The following TTC19 variants were observed in gnomAD, a reference collection of about 807,000 sequenced individuals.
The protein encoded by TTC19 is tetratricopeptide repeat domain 19.
TTC19 carries 38 observed loss-of-function variants against 49.5 expected under a neutral mutation model. The observed-to-expected ratio is 0.77, with a 90% CI of 0.59 to 1.01. The LOEUF (loss-of-function observed/expected upper bound fraction) is 1.01, where lower values mean the gene tolerates loss of function less well. Among genes scored for constraint, TTC19 ranks in the 50% least tolerant of loss-of-function variants. TTC19 has a pLI of 0.00. For synonymous variants in TTC19, 204 were observed against 185.2 expected (o/e 1.10, Z -0.83); for missense variants, 475 against 477.7 (o/e 0.99, Z 0.05).
At chr17:16,012,496 G>A (rs182337235) in intron 7 of TTC19, among the ~76,000 whole-genome samples, 8 of 152,190 alleles carry the variant, frequency 5.3e-5, no homozygotes, top group African/African-American at 1.9e-4. Context: ...GGGGGTGGAA[G>A]AGGATTGTGA....
At chr17:16,026,730 T>C (rs1472278611) in intron 9 of TTC19, 28 bp downstream of exon 9, 1 of 1,612,892 alleles carries the variant, frequency 6.2e-7, no homozygotes, top group East Asian at 2.2e-5. Flanking sequence ...CTTAACTGAC[T>C]TGCTTTAAGG....
downstream of TTC19, among the ~76,000 whole-genome samples, chr17:16,033,045 T>C (rs1972576498): frequency 6.6e-6 from 1 of 152,074 alleles, no homozygotes; most frequent in Non-Finnish European, 1.5e-5. Context: ...CTCCTACAGC[T>C]TAAGAAAACG....
At position 16,028,380 on chromosome 17, in the gene TTC19, T is replaced by TA. The variant is rs1332704917; in HGVS notation, c.*859dup. On this transcript the variant is annotated 3_prime_UTR_variant, in exon 10 of 10. Transcript: ENST00000261647. The stretch of plus-strand genomic sequence containing the variant: ...TCGTAATTCTAATGTGTACTGCTGG[T>TA]ATAGCTGAACTACTGACCTGGATCT... 2 of 453,984 alleles carry TA rather than the reference T, an allele frequency of 4.4e-6. No homozygotes were observed. The highest frequency in any genetic ancestry group is 8.8e-6 in the Non-Finnish European group (2 of 226,790). The allele number at this position is 453,984 out of a possible 1,614,324, so 28.1% of individuals were successfully genotyped here.
At chr17:16,039,466 G>C (rs2057140234) in intron 2 of TTC19, 1 of 1,613,850 alleles carries the variant, frequency 6.2e-7, no homozygotes, top group Admixed American at 1.7e-5. Flanking sequence ...TCCTCTCTTC[G>C]TGTCTCACCA....
At chr17:16,044,750 T>C (rs2058375529) in exon 3 of TTC19, 2 of 813,216 alleles carry the variant, frequency 2.5e-6, no homozygotes, top group Admixed American at 1.7e-5. Flanking sequence ...ACCTTTTTGG[T>C]CCAGCTTGTT....
In TTC19 at chr17:16,003,901, C is replaced by G. The variant is rs770488669; in HGVS notation, c.519+14C>G. 2 of 1,612,886 alleles carry G rather than the reference C, an allele frequency of 1.2e-6. No homozygotes were observed. Among genetic ancestry groups the G allele is most frequent in the African/African-American group, 2.7e-5 (2 of 74,892 alleles). ...GGCATGAAGCAGGTAAGGACATTGC[C>G]TAGTATTGGCCCCTCACTGAAGCAG... is the stretch of plus-strand genomic sequence containing the variant. On this transcript the variant is annotated intron_variant, in intron 5 of 9. Coordinates refer to ENST00000261647, the MANE Select transcript of TTC19 (RefSeq NM_017775.4).
intron 7 of TTC19, among the ~76,000 whole-genome samples, chr17:16,009,370 A>G (rs2151656467): frequency 6.6e-6 from 1 of 152,374 alleles, no homozygotes; most frequent in Middle Eastern, 3.4e-3. Context: ...CATACTATTA[A>G]GAAAGAGCTA....
intron 2 of TTC19, among the ~76,000 whole-genome samples, chr17:16,000,824 A>G (rs1401951228): frequency 6.6e-6 from 1 of 152,170 alleles, no homozygotes; most frequent in Non-Finnish European, 1.5e-5. Context: ...CAGATTTAAC[A>G]TGCCCAAAAC....
At position 16,004,185 on chromosome 17, in the gene TTC19, T is replaced by A. The variant is rs756740234; in HGVS notation, c.520-16T>A. ...TTTACTTGTTATGAGTTCCCTTCAT[T>A]CTCTTTCTCTCACAGGAGGACAATG... On this transcript the variant is annotated splice_polypyrimidine_tract_variant and intron_variant, in intron 5 of 9. Coordinates refer to ENST00000261647, the MANE Select transcript of TTC19 (RefSeq NM_017775.4). 1 of 1,613,448 alleles carries A rather than the reference T, an allele frequency of 6.2e-7. No homozygotes were observed. The highest frequency in any genetic ancestry group is 8.5e-7 in the Non-Finnish European group (1 of 1,179,340).
intron 8 of TTC19, 31 bp downstream of exon 8, chr17:16,025,202 T>A (rs1971511354): frequency 6.2e-7 from 1 of 1,606,206 alleles, no homozygotes. Flanking sequence ...AGGGGGAATA[T>A]AAAACAAAGG....
At chr17:16,008,601 G>A (rs746341305) in intron 7 of TTC19, among the ~76,000 whole-genome samples, 1 of 152,082 alleles carries the variant, frequency 6.6e-6, no homozygotes, top group Non-Finnish European at 1.5e-5. Context: ...CCTGTAAGGC[G>A]CTTATGACCT....
chr17:16,026,420 A>C (rs1404824017), intron 8 of TTC19, 120 bp from the exon 9 acceptor site: 3 of 918,184 alleles, frequency 3.3e-6, no homozygotes, highest in African/African-American at 1.7e-5. Flanking sequence ...GGTATCCCTC[A>C]TCTTTTGTGG....
Position 16,007,889 on chromosome 17 carries a change from A to G in TTC19, c.676+1321A>G, listed in dbSNP as rs145264239. On this transcript the variant is annotated intron_variant, in intron 7 of 9. Transcript: ENST00000261647. Reference sequence around the variant, plus strand: ...GAGTAGGAGGGATCACTGTACACCAATTTTTTTGTTTTCATCACTCCACTG... The same window carrying G: ...GAGTAGGAGGGATCACTGTACACCAGTTTTTTTGTTTTCATCACTCCACTG... 3.1e-3 allele frequency among the ~76,000 whole-genome samples: 474 copies of G among 152,250 alleles called. 2 individuals carry two copies. Among genetic ancestry groups the G allele is most frequent in the African/African-American group, 0.011 (451 of 41,552 alleles).
At chr17:16,038,275 T>G (rs1038636142) in intron 2 of TTC19, among the ~76,000 whole-genome samples, 3 of 152,250 alleles carry the variant, frequency 2.0e-5, no homozygotes, top group Non-Finnish European at 2.9e-5. Flanking sequence ...TATGGTTTTT[T>G]TGTGTGCTTG....
At chr17:16,017,292 G>A (rs762444480) in intron 7 of TTC19, among the ~76,000 whole-genome samples, 3 of 151,396 alleles carry the variant, frequency 2.0e-5, no homozygotes, top group Non-Finnish European at 2.9e-5. Context: ...TTAGTGAGGC[G>A]AAAAAAATTA....
intron 7 of TTC19, among the ~76,000 whole-genome samples, chr17:16,012,304 C>T (rs1041710679): frequency 5.9e-5 from 9 of 152,174 alleles, no homozygotes; most frequent in Admixed American, 1.3e-4. Context: ...GCCCTGGAAA[C>T]GTGGCAAAAC....
intron 2 of TTC19, among the ~76,000 whole-genome samples, chr17:16,035,530 CTTTTTTTTTT>C (rs966987249): frequency 1.7e-5 from 2 of 118,340 alleles, no homozygotes; most frequent in South Asian, 5.7e-4. Context: ...TTCTCTTGTT[CTTTTTTTTTT>C]TTTTTTTTTT....
In TTC19 at chr17:16,027,450, A is replaced by G; in HGVS notation, c.1071A>G (p.Val357=). The change falls in exon 10 of 10, where the codon GTA becomes GTG. Residue 357 remains valine, a synonymous_variant. Coordinates refer to ENST00000261647, the MANE Select transcript of TTC19 (RefSeq NM_017775.4). ...QAKLKKDEIS[V]QHIREELAEL... is the part of the protein sequence containing the mutation. ...AGCTGAAAAAAGATGAAATTTCTGT[A>G]CAACACATCAGGGAAGAGTTGGCTG... The G allele has an allele frequency of 6.2e-7, 1 of 1,614,136 alleles. No individual in the cohort carries two copies. Among genetic ancestry groups the G allele is most frequent in the South Asian group, 1.1e-5 (1 of 91,080 alleles).
At position 16,002,803 on chromosome 17, in the gene TTC19, T is replaced by C. The variant is rs764295416; in HGVS notation, c.434T>C (p.Leu145Ser). Residue 145 changes from leucine to serine, a missense_variant, in exon 4 of 10, where the codon TTA becomes TCA. Coordinates refer to ENST00000261647, the MANE Select transcript of TTC19 (RefSeq NM_017775.4). ...ITYTYDLMAN[L>S]AFIRGQLENA... is the part of the protein sequence containing the mutation. ...GTAATTTGCTTTCAGATGGCCAACTTAGCATTTATACGGGGTCAGCTTGAA... is the reference window on the plus strand; with the variant it reads ...GTAATTTGCTTTCAGATGGCCAACTCAGCATTTATACGGGGTCAGCTTGAA... The C allele has an allele frequency of 6.2e-7, 1 of 1,614,066 alleles. No individual in the cohort carries two copies. The highest frequency in any genetic ancestry group is 8.5e-7 in the Non-Finnish European group (1 of 1,179,972).
Sources: allele counts gnomAD v4.1 joint callset (sites outside exome capture counted in the v4.1 genomes callset), GRCh38; gene constraint gnomAD v4.1.1; transcripts MANE v1.5; gene names NCBI Gene and HGNC (gene_info 2026-07-23, HGNC 2026-07-21).